Variants in ELL observed in about 807,000 individuals in gnomAD.
The protein encoded by ELL is elongation factor for RNA polymerase II.
A neutral mutation model predicts 64.0 loss-of-function variants in ELL; 18 were observed. The ratio of observed to expected loss-of-function variants is 0.28; its 90% CI spans 0.19 to 0.42. The LOEUF is 0.42. ELL is among the 10% of genes least tolerant of loss of function. The pLI, the probability that ELL is intolerant of heterozygous loss-of-function variation, is 1.00. For synonymous variants in ELL, 399 were observed against 376.2 expected (o/e 1.06, Z -0.70); for missense variants, 797 against 870.4 (o/e 0.92, Z 1.06).
intron 2 of ELL, chr19:18,472,476 CG>C (rs1170597005): frequency 4.7e-5 from 13 of 278,146 alleles, no homozygotes; most frequent in African/African-American, 2.8e-4. Context: ...CTCAGGTGGT[CG>C]TGCTCACTCA....
intron 1 of ELL, among the ~76,000 whole-genome samples, chr19:18,475,406 T>G (rs949169202): frequency 6.6e-6 from 1 of 151,468 alleles, no homozygotes; most frequent in Non-Finnish European, 1.5e-5. Flanking sequence ...TGGGCGGGAG[T>G]GGACAAGGCT....
chr19:18,518,056 A>G (rs546477902), intron 1 of ELL, among the ~76,000 whole-genome samples: 80 of 152,096 alleles, frequency 5.3e-4, no homozygotes, highest in Admixed American at 3.6e-3. Context: ...CCCCGTCTCC[A>G]CTAAAAGTAC....
chr19:18,474,910 G>A (rs529128415), intron 1 of ELL, among the ~76,000 whole-genome samples: 23 of 152,326 alleles, frequency 1.5e-4, no homozygotes, highest in African/African-American at 5.3e-4. Flanking sequence ...ATCACTTGAC[G>A]TCAGGAGTTC....
intron 1 of ELL, 60 bp downstream of exon 1, chr19:18,521,861 C>T (rs1042568114): frequency 5.5e-5 from 84 of 1,521,924 alleles, no homozygotes; most frequent in Non-Finnish European, 7.3e-5. Context: ...GTGAGGGGAG[C>T]GCGAGGCCGG....
At chr19:18,468,109 CCACA>C (rs905198048) in intron 2 of ELL, among the ~76,000 whole-genome samples, 9 of 149,376 alleles carry the variant, frequency 6.0e-5, no homozygotes, top group East Asian at 2.0e-4. Flanking sequence ...CTACACACAA[CCACA>C]CAAACACAAC....
rs929721781 is a variant in ELL at position 18,450,516 on chromosome 19, C to T, written c.1426G>A (p.Ala476Thr). The stretch of plus-strand genomic sequence containing the variant: ...GGGGCTCCGGGGGTGGCATGGGTGG[C>T]AGGTGCACAGTCTGGAAGCTGGGCC... The part of the protein sequence containing the change: ...PRAQLPDCAP[A>T]THATPGAPAD... The change falls in exon 8 of 12, where the codon GCC (alanine) becomes ACC (threonine). Residue 476 changes from alanine (A) to threonine (T), a missense_variant. Ala to Thr is a moderately conservative substitution (Grantham distance 58). Coordinates refer to ENST00000262809, the MANE Select transcript of ELL (RefSeq NM_006532.4). The T allele has an allele frequency of 1.2e-6, 2 of 1,613,104 alleles. No individual in the cohort carries two copies. Among genetic ancestry groups the T allele is most frequent in the Non-Finnish European group, 1.7e-6 (2 of 1,179,944 alleles).
intron 1 of ELL, among the ~76,000 whole-genome samples, chr19:18,517,751 A>G (rs1976159019): frequency 6.6e-6 from 1 of 151,870 alleles, no homozygotes; most frequent in Non-Finnish European, 1.5e-5. Context: ...GCCAGGCACA[A>G]TGGCTCATGC....
At position 18,450,614 on chromosome 19, in the gene ELL, G is replaced by T; in HGVS notation, c.1328C>A (p.Pro443His). 1 of 1,610,788 alleles carries T rather than the reference G, an allele frequency of 6.2e-7. No individual in the cohort carries two copies. The highest frequency in any genetic ancestry group is 2.2e-5 in the East Asian group (1 of 44,804). ...CAQPSRPHGS[P>H]SRSKPKKKSK... ...CTTCTTCTTGGGCTTGCTGCGCGAG[G>T]GGCTGCCGTGTGGCCTGCTGGGCTG... Residue 443 changes from proline to histidine, a missense_variant, in exon 8 of 12, where the codon CCC becomes CAC. Transcript: ENST00000262809.
intron 1 of ELL, among the ~76,000 whole-genome samples, chr19:18,478,683 G>A (rs541187819): frequency 3.9e-5 from 6 of 152,358 alleles, no homozygotes; most frequent in Admixed American, 2.0e-4. Flanking sequence ...CTTCAAGGCC[G>A]GACAGGCAGG....
intron 7 of ELL, 95 bp from the exon 8 acceptor site, chr19:18,451,070 T>C: frequency 7.1e-7 from 1 of 1,403,612 alleles, no homozygotes; most frequent in Non-Finnish European, 9.2e-7. Context: ...CAACGCCGCC[T>C]GCAAGGCCCA....
intron 6 of ELL, among the ~76,000 whole-genome samples, chr19:18,456,977 C>A (rs1600436857): frequency 6.8e-6 from 1 of 146,504 alleles, no homozygotes; most frequent in Non-Finnish European, 1.5e-5. Context: ...AAAAAAAAAA[C>A]AGCTATGCAG....
chr19:18,462,377 CGG>C (rs199584530), intron 4 of ELL, among the ~76,000 whole-genome samples: 1 of 16,114 alleles, frequency 6.2e-5, no homozygotes, highest in African/African-American at 8.5e-4. Context: ...GGGCGGGGGG[CGG>C]GGGGGGAAGG....
chr19:18,492,954 T>C (rs1458678287), intron 1 of ELL, among the ~76,000 whole-genome samples: 1 of 151,940 alleles, frequency 6.6e-6, no homozygotes. Flanking sequence ...CCTCTCATGA[T>C]TCCTCCCCTC....
intron 4 of ELL, among the ~76,000 whole-genome samples, chr19:18,462,218 G>A (rs1280290401): frequency 3.4e-5 from 3 of 89,056 alleles, no homozygotes; most frequent in Non-Finnish European, 6.7e-5. Context: ...GTGTGTGTGT[G>A]TGTATGTAAT....
chr19:18,503,025 G>A (rs1304309211), intron 1 of ELL, among the ~76,000 whole-genome samples: 1 of 152,228 alleles, frequency 6.6e-6, no homozygotes, highest in African/African-American at 2.4e-5. Flanking sequence ...CGGCTCCCTG[G>A]GCCCTGCCAG....
At chr19:18,445,444 C>A in intron 10 of ELL, 176 bp from the exon 11 acceptor site, 1 of 588,308 alleles carries the variant, frequency 1.7e-6, no homozygotes. Context: ...GTGGGTGGGG[C>A]ATGAGGGAAA....
chr19:18,518,363 C>A (rs1267910334), intron 1 of ELL, among the ~76,000 whole-genome samples: 1 of 151,554 alleles, frequency 6.6e-6, no homozygotes, highest in Non-Finnish European at 1.5e-5. Context: ...TAGCCAGGTG[C>A]AGTGGTGCAC....
chr19:18,455,032 T>A (rs1974628247), intron 6 of ELL, among the ~76,000 whole-genome samples: 1 of 147,178 alleles, frequency 6.8e-6, no homozygotes, highest in South Asian at 2.1e-4. Context: ...TCCCAGCTAC[T>A]CAGGAGGCTG....
chr19:18,475,238 C>G (rs1425576363), intron 1 of ELL, among the ~76,000 whole-genome samples: 2 of 152,148 alleles, frequency 1.3e-5, no homozygotes, highest in African/African-American at 4.8e-5. Flanking sequence ...GAAATGCAAA[C>G]TGTAACCATA....
Sources: allele counts gnomAD v4.1 joint callset (sites outside exome capture counted in the v4.1 genomes callset), GRCh38; gene constraint gnomAD v4.1.1; transcripts MANE v1.5; gene names NCBI Gene and HGNC (gene_info 2026-07-23, HGNC 2026-07-21).